The following SNX29 variants were observed in gnomAD, a reference collection of about 807,000 sequenced individuals.
SNX29 encodes the protein sorting nexin-29.
In SNX29, 78 loss-of-function variants were observed where a neutral mutation model predicts 102.1. The ratio of observed to expected loss-of-function variants is 0.76; its 90% CI spans 0.64 to 0.92. SNX29 has a LOEUF of 0.92. Ranked by LOEUF, SNX29 falls within the 40% of genes least tolerant of loss-of-function variation. SNX29 has a pLI of 0.00. For synonymous variants in SNX29, 580 were observed against 414.5 expected (o/e 1.40, Z -4.85); for missense variants, 1,280 against 1,061.7 (o/e 1.21, Z -2.86).
At chr16:12,317,420 A>T (rs995032449) in intron 15 of SNX29, among the ~76,000 whole-genome samples, 4 of 152,078 alleles carry the variant, frequency 2.6e-5, no homozygotes, top group Non-Finnish European at 1.5e-5. Context: ...GGGCTTAATG[A>T]CTCATTGAGA....
intron 18 of SNX29, among the ~76,000 whole-genome samples, chr16:12,461,978 A>AATATATATATATATATATATATATATAT (rs71139595): frequency 3.7e-5 from 1 of 27,354 alleles, no homozygotes; most frequent in Non-Finnish European, 6.3e-5. Flanking sequence ...AAAAAAAAAA[A>AATATATATATATATATATATATATATAT]ATATATATAT....
At chr16:12,223,841 T>C (rs1285549854) in intron 14 of SNX29, among the ~76,000 whole-genome samples, 2 of 152,234 alleles carry the variant, frequency 1.3e-5, no homozygotes, top group Admixed American at 6.5e-5. Context: ...GCCAGGCTGT[T>C]GGCAAGCATT....
intron 20 of SNX29, among the ~76,000 whole-genome samples, chr16:12,552,184 C>T (rs1179954700): frequency 1.3e-5 from 2 of 152,168 alleles, no homozygotes; most frequent in Non-Finnish European, 2.9e-5. Flanking sequence ...GAAAGGGAAA[C>T]AACGGCAGAT....
chr16:12,548,904 G>C (rs547821623), intron 20 of SNX29, among the ~76,000 whole-genome samples: 1 of 152,192 alleles, frequency 6.6e-6, no homozygotes, highest in African/African-American at 2.4e-5. Context: ...GCACTCACTC[G>C]GGCTGTAGGT....
intron 3 of SNX29, among the ~76,000 whole-genome samples, chr16:12,018,383 C>A (rs1466557080): frequency 1.3e-5 from 2 of 151,322 alleles, no homozygotes; most frequent in Non-Finnish European, 2.9e-5. Flanking sequence ...TGAGACCACC[C>A]TGGCCAAGAT....
chr16:12,512,147 C>G lies in SNX29; in HGVS notation c.2179-12555C>G, dbSNP rs2089648910. On this transcript the variant is annotated intron_variant, in intron 19 of 20. Coordinates refer to ENST00000566228, the MANE Select transcript of SNX29 (RefSeq NM_032167.5). ...GGTACAGGCAGCAACCAGCTGTCCC[C>G]CAGGGGATGTAGGGAGGCATTTGCA... Among the ~76,000 whole-genome samples the G allele has an allele frequency of 4.6e-5, 7 of 151,434 alleles. No individual in the cohort carries two copies. In the South Asian group the frequency reaches 1.5e-3, roughly 32 times the overall value.
chr16:12,218,548 T>C (rs576216986), intron 14 of SNX29, among the ~76,000 whole-genome samples: 1 of 152,294 alleles, frequency 6.6e-6, no homozygotes, highest in East Asian at 1.9e-4. Flanking sequence ...CCCCAAAATA[T>C]TTACCATCTG....
chr16:12,033,056 C>T (rs537670105), intron 4 of SNX29, among the ~76,000 whole-genome samples: 7 of 151,638 alleles, frequency 4.6e-5, no homozygotes, highest in Admixed American at 3.3e-4. Flanking sequence ...GGTTTCACCA[C>T]GTTGGCCAGG....
intron 18 of SNX29, among the ~76,000 whole-genome samples, chr16:12,424,380 A>G (rs984570027): frequency 5.9e-5 from 9 of 152,186 alleles, no homozygotes; most frequent in Non-Finnish European, 1.3e-4. Context: ...TTTATATGGA[A>G]AATTGAAGAG....
At chr16:12,339,802 G>T (rs2081560399) in intron 15 of SNX29, among the ~76,000 whole-genome samples, 1 of 152,200 alleles carries the variant, frequency 6.6e-6, no homozygotes. Context: ...TTATTGGCCT[G>T]ACTTGAGTCT....
chr16:12,313,907 C>T (rs1408363127), intron 15 of SNX29, among the ~76,000 whole-genome samples: 2 of 152,368 alleles, frequency 1.3e-5, no homozygotes, highest in South Asian at 2.1e-4. Context: ...CAAAAACAAC[C>T]ATCTGGCTGT....
intron 19 of SNX29, among the ~76,000 whole-genome samples, chr16:12,506,808 C>G (rs1430913418): frequency 6.6e-6 from 1 of 152,156 alleles, no homozygotes; most frequent in Non-Finnish European, 1.5e-5. Context: ...GTTATACTAA[C>G]CACACTTCCC....
chr16:12,412,449 TC>T (rs1567537546), intron 18 of SNX29, among the ~76,000 whole-genome samples: 1 of 152,218 alleles, frequency 6.6e-6, no homozygotes, highest in East Asian at 1.9e-4. Flanking sequence ...GACCCATCAC[TC>T]ATTGTCACAG....
intron 19 of SNX29, among the ~76,000 whole-genome samples, chr16:12,500,430 G>A (rs938195548): frequency 3.3e-5 from 5 of 152,158 alleles, no homozygotes; most frequent in African/African-American, 1.2e-4. Flanking sequence ...GAAAGCCAGG[G>A]CTGGGACTTC....
rs138530736 is a variant in SNX29, at chr16:12,534,201, C to T, written c.2318+9360C>T. ...GAGGTCTTCATAAGAGTGTGGGCTC[C>T]ATGAGAAAGGGTCCATTGGAGTAAT... On this transcript the variant is annotated intron_variant, in intron 20 of 20. Coordinates refer to ENST00000566228, the MANE Select transcript of SNX29 (RefSeq NM_032167.5). Among the ~76,000 whole-genome samples the T allele has an allele frequency of 4.6e-5, 7 of 152,354 alleles. No individual in the cohort carries two copies. In the East Asian group the frequency reaches 7.7e-4, roughly 17 times the overall value.
intron 1 of SNX29, chr16:11,983,850 C>T (rs2055489536): frequency 3.3e-6 from 1 of 302,986 alleles, no homozygotes; most frequent in South Asian, 1.3e-4. Context: ...CTTGTCTATA[C>T]ATAGGCCGTA....
At chr16:12,388,326 T>A (rs566566833) in intron 16 of SNX29, among the ~76,000 whole-genome samples, 1 of 152,308 alleles carries the variant, frequency 6.6e-6, no homozygotes, top group East Asian at 1.9e-4. Flanking sequence ...ACTCAAAGAA[T>A]TACATGAGTG....
intron 8 of SNX29, among the ~76,000 whole-genome samples, chr16:12,061,143 C>T (rs1003659065): frequency 6.6e-6 from 1 of 152,324 alleles, no homozygotes; most frequent in South Asian, 2.1e-4. Context: ...AGGCAGCCTT[C>T]CATGACCTTC....
intron 14 of SNX29, among the ~76,000 whole-genome samples, chr16:12,257,691 T>A (rs796599350): frequency 1.1e-3 from 18 of 15,748 alleles, no homozygotes; most frequent in East Asian, 4.5e-3. Context: ...TTATTTAAAA[T>A]TTTTTTTTTT....
Sources: gnomAD v4.1 joint callset for allele counts (sites outside exome capture counted in the v4.1 genomes callset) on GRCh38, gnomAD v4.1.1 for gene constraint, MANE v1.5 for transcripts, NCBI Gene and HGNC (gene_info 2026-07-23, HGNC 2026-07-21) for gene names.